The following HMCN1 variants were observed in gnomAD, a reference collection of about 807,000 sequenced individuals.
The protein encoded by HMCN1 is hemicentin-1.
Under a neutral mutation model 625.9 loss-of-function variants are expected in HMCN1, and 321 were observed. The observed-to-expected ratio is 0.51, with a 90% CI of 0.47 to 0.56. The LOEUF (loss-of-function observed/expected upper bound fraction) is 0.56, where lower values mean the gene tolerates loss of function less well. HMCN1 is among the 20% of genes least tolerant of loss of function. The probability of loss-of-function intolerance (pLI) is 0.00; values close to 1 mark genes in which losing one functional copy is unlikely to be tolerated. For missense variants in HMCN1, 6,588 were observed against 6,887.3 expected, an observed-to-expected ratio of 0.96 and a Z score of 1.54; for synonymous variants, 2,425 against 2,417.6, an observed-to-expected ratio of 1.00 and a Z score of -0.09.
intron 35 of HMCN1, among the ~76,000 whole-genome samples, chr1:186,020,268 T>TA (rs55903441): frequency 0.023 from 3,241 of 140,430 alleles, 125 homozygotes; most frequent in African/African-American, 0.087. Flanking sequence ...GATAGATAGA[T>TA]GATAGATTTC....
At position 186,172,031 on chromosome 1, in the gene HMCN1, A is replaced by G. The variant is rs746004773; in HGVS notation, c.15714A>G (p.Val5238=). 1.9e-6 allele frequency: 3 copies of G among 1,613,664 alleles called. No individual in the cohort carries two copies. The South Asian group carries it at 3.3e-5, about 18-fold the overall frequency. ...CMDVNECRQN[V]CRPDQHCKNT... is the part of the protein sequence containing the mutation. ...ATGTGAACGAGTGTAGACAAAATGT[A>G]TGCAGACCAGATCAGCACTGTAAGA... Residue 5238 remains valine (V), a synonymous_variant, in exon 102 of 107, where the codon GTA becomes GTG. Coordinates refer to ENST00000271588, the MANE Select transcript of HMCN1 (RefSeq NM_031935.3).
intron 1 of HMCN1, among the ~76,000 whole-genome samples, chr1:185,818,070 A>G (rs1659952194): frequency 6.6e-6 from 1 of 152,158 alleles, no homozygotes; most frequent in African/African-American, 2.4e-5. Flanking sequence ...CTTCTCCAGA[A>G]GCCTTCCTTA....
intron 22 of HMCN1, 71 bp from the exon 23 acceptor site, chr1:185,993,111 G>A: frequency 6.9e-6 from 10 of 1,446,420 alleles, no homozygotes; most frequent in Non-Finnish European, 9.7e-6. Context: ...ATTTCATACT[G>A]AAGTGTAGCT....
At chr1:186,104,324 A>G (rs1216424659) in intron 69 of HMCN1, among the ~76,000 whole-genome samples, 1 of 152,162 alleles carries the variant, frequency 6.6e-6, no homozygotes, top group African/African-American at 2.4e-5. Context: ...GATTTAAAGA[A>G]ATAATCCAAC....
chr1:186,165,843 A>G (rs1391628444), intron 98 of HMCN1, among the ~76,000 whole-genome samples: 1 of 152,252 alleles, frequency 6.6e-6, no homozygotes, highest in Non-Finnish European at 1.5e-5. Context: ...TTGTCCTGCA[A>G]AATAAGGATA....
rs763721755 is a variant in HMCN1, at chr1:186,137,537, G to A, written c.13622G>A (p.Cys4541Tyr). ...GFSQWSAWRA[C>Y]SVTCGKGIQK... ...TCCCAGTGGTCTGCATGGAGAGCCT[G>A]CAGTGTCACCTGTGGAAAAGGCATC... The change falls in exon 88 of 107, where the codon TGC (cysteine) becomes TAC (tyrosine). Residue 4541 changes from cysteine (C) to tyrosine (Y), a missense_variant. Cys to Tyr is a radical substitution (Grantham distance 194). Transcript: ENST00000271588. 3 of 1,613,750 alleles carry A rather than the reference G, an allele frequency of 1.9e-6. No individual in the cohort carries two copies. In the South Asian group the frequency reaches 3.3e-5, roughly 18 times the overall value.
At chr1:185,826,020 G>C (rs775134662) in intron 1 of HMCN1, among the ~76,000 whole-genome samples, 10 of 152,176 alleles carry the variant, frequency 6.6e-5, no homozygotes, top group Non-Finnish European at 1.3e-4. Context: ...GGGGTTCAGA[G>C]TAAAGACAAA....
At chr1:185,902,063 C>A (rs1207622055) in intron 4 of HMCN1, among the ~76,000 whole-genome samples, 1 of 151,432 alleles carries the variant, frequency 6.6e-6, no homozygotes, top group Non-Finnish European at 1.5e-5. Context: ...TATTCTAGTA[C>A]TCTGTAATAC....
intron 75 of HMCN1, among the ~76,000 whole-genome samples, chr1:186,116,225 A>G (rs1302280914): frequency 3.3e-5 from 5 of 152,156 alleles, no homozygotes; most frequent in African/African-American, 1.2e-4. Context: ...TTGAATTAAA[A>G]GGTGTGTCAA....
intron 4 of HMCN1, among the ~76,000 whole-genome samples, chr1:185,870,818 G>A (rs2102369496): frequency 6.6e-6 from 1 of 152,260 alleles, no homozygotes; most frequent in South Asian, 2.1e-4. Flanking sequence ...ATCAGTAACT[G>A]AAGCTCTATA....
rs993128577 is a variant in HMCN1, at chr1:185,886,626, A to G, written c.621+20763A>G. ...TTAGAAAATTGTGTTTACCACATCAAATTTAGTTTTACATATGGAATGTAT... is the reference window on the plus strand; with the variant it reads ...TTAGAAAATTGTGTTTACCACATCAGATTTAGTTTTACATATGGAATGTAT... On this transcript the variant is annotated intron_variant, in intron 4 of 106. Coordinates refer to ENST00000271588, the MANE Select transcript of HMCN1 (RefSeq NM_031935.3). Among the ~76,000 whole-genome samples, 5 of 152,158 alleles carry G rather than the reference A, an allele frequency of 3.3e-5. No individual in the cohort carries two copies. The South Asian group carries it at 1.0e-3, about 32-fold the overall frequency.
intron 1 of HMCN1, among the ~76,000 whole-genome samples, chr1:185,753,109 A>T (rs932898443): frequency 9.9e-5 from 15 of 152,134 alleles, no homozygotes; most frequent in African/African-American, 3.6e-4. Flanking sequence ...AGTATTTGAT[A>T]TAATTATATA....
Position 186,067,932 on chromosome 1 carries a change from T to A in HMCN1, c.7804T>A (p.Tyr2602Asn). Residue 2602 changes from tyrosine to asparagine, a missense_variant, in exon 50 of 107, where the codon TAT becomes AAT. By Grantham distance (143) the Tyr-to-Asn change is moderately radical (BLOSUM62 -2). Coordinates refer to ENST00000271588, the MANE Select transcript of HMCN1 (RefSeq NM_031935.3). ...PTSLVCEAYS[Y>N]PPATITWFKD... is the part of the protein sequence containing the mutation. Reference sequence around the variant, plus strand: ...ATCTTTGGTCTGTGAAGCTTATTCATATCCTCCAGCTACCATCACCTGGTT... The same window carrying A: ...ATCTTTGGTCTGTGAAGCTTATTCAAATCCTCCAGCTACCATCACCTGGTT... The A allele has an allele frequency of 6.2e-7, 1 of 1,613,576 alleles. No homozygotes were observed. Among genetic ancestry groups the A allele is most frequent in the Non-Finnish European group, 8.5e-7 (1 of 1,179,532 alleles).
chr1:185,743,523 A>G (rs1361959324), intron 1 of HMCN1, among the ~76,000 whole-genome samples: 1 of 152,222 alleles, frequency 6.6e-6, no homozygotes, highest in Non-Finnish European at 1.5e-5. Context: ...CAGTCTGCCT[A>G]CCTTCCAATT....
At chr1:185,838,320 A>G (rs1661291011) in intron 1 of HMCN1, among the ~76,000 whole-genome samples, 1 of 152,138 alleles carries the variant, frequency 6.6e-6, no homozygotes, top group Admixed American at 6.5e-5. Context: ...CTGGGTTGCA[A>G]GTGCATGTAA....
chr1:186,154,024 T>G, intron 97 of HMCN1, 37 bp downstream of exon 97: 1 of 1,542,012 alleles, frequency 6.5e-7, no homozygotes, highest in African/African-American at 1.4e-5. Flanking sequence ...CTTTATGCCA[T>G]CCAGTCTAAA....
intron 1 of HMCN1, among the ~76,000 whole-genome samples, chr1:185,807,294 T>G (rs1347958406): frequency 6.6e-6 from 1 of 152,194 alleles, no homozygotes; most frequent in Non-Finnish European, 1.5e-5. Context: ...GTGCTGCCAC[T>G]TAACTTCCCA....
At chr1:185,761,250 T>TG (rs1655482538) in intron 1 of HMCN1, among the ~76,000 whole-genome samples, 1 of 151,996 alleles carries the variant, frequency 6.6e-6, no homozygotes, top group Non-Finnish European at 1.5e-5. Flanking sequence ...ACACTCAAGT[T>TG]GGGGGGTGGT....
rs1461345657 is a variant in HMCN1, at chr1:186,117,596, G to A, written c.11821G>A (p.Gly3941Arg). ...AAATGGTATAAGACTGCTTCCCAGG[G>A]GAGATGGCTATAGAATTCTGTCCTC... ...TKNGIRLLPR[G>R]DGYRILSSGA... Residue 3941 changes from glycine (G) to arginine (R), a missense_variant, in exon 77 of 107, where the codon GGA becomes AGA. Gly to Arg is a moderately radical substitution (Grantham distance 125, BLOSUM62 -2). Around this residue, in one of 3 missense-constraint regions of HMCN1, gnomAD observed 4,628 missense variants for 4,853.1 expected, o/e 0.95. Coordinates refer to ENST00000271588, the MANE Select transcript of HMCN1 (RefSeq NM_031935.3). 1 of 1,613,640 alleles carries A rather than the reference G, an allele frequency of 6.2e-7. No individual in the cohort carries two copies. Among genetic ancestry groups the A allele is most frequent in the Non-Finnish European group, 8.5e-7 (1 of 1,179,792 alleles).
Sources: gnomAD v4.1 joint callset for allele counts (sites outside exome capture counted in the v4.1 genomes callset) on GRCh38, gnomAD v4.1.1 for gene constraint, gnomAD v4.1.1 regional missense constraint, MANE v1.5 for transcripts, NCBI Gene and HGNC (gene_info 2026-07-23, HGNC 2026-07-21) for gene names.